SMARCAD1: variants seen among roughly 807,000 people sequenced by gnomAD.
SMARCAD1 encodes SWI/SNF-related matrix-associated actin-dependent regulator of chromatin subfamily A containing DEAD/H box 1.
In SMARCAD1, 25 loss-of-function variants were observed where a neutral mutation model predicts 127.1. That is an observed-to-expected ratio of 0.20 (90% CI 0.14 to 0.27). The LOEUF is 0.27. Ranked by LOEUF, SMARCAD1 falls within the 10% of genes least tolerant of loss-of-function variation. SMARCAD1 has a pLI of 1.00. For missense variants in SMARCAD1, 807 were observed against 1,206.0 expected (o/e 0.67, Z 4.90); for synonymous variants, 400 against 396.9 (o/e 1.01, Z -0.09).
rs62320366 is a variant in SMARCAD1 at position 94,221,484 on chromosome 4, C to T, written c.191-4635C>T. 5.1e-3 allele frequency among the ~76,000 whole-genome samples: 781 copies of T among 152,198 alleles called. 11 individuals are homozygous for T. Among genetic ancestry groups the T allele is most frequent in the South Asian group, 0.034 (162 of 4,806 alleles). On this transcript the variant is annotated intron_variant, in intron 2 of 23. Coordinates refer to ENST00000354268, the MANE Select transcript of SMARCAD1 (RefSeq NM_020159.5). The stretch of plus-strand genomic sequence containing the variant: ...ATAATCTAAAAAGGCTATGAAAGTA[C>T]CCCTCCTTTCTCCAACTACATAACT...
chr4:94,226,998 C>G (rs932549850), intron 3 of SMARCAD1, among the ~76,000 whole-genome samples: 1 of 152,016 alleles, frequency 6.6e-6, no homozygotes, highest in African/African-American at 2.4e-5. Flanking sequence ...GACACCACAC[C>G]TGGCTCGAGG....
Position 94,264,785 on chromosome 4 carries a change from G to A in SMARCAD1, c.1360G>A (p.Val454Ile), listed in dbSNP as rs748810392. The change falls in exon 10 of 24, where the codon GTA becomes ATA. Residue 454 changes from valine to isoleucine, a missense_variant. Val to Ile is a conservative substitution (Grantham distance 29). This residue lies in a region of SMARCAD1 where 257 missense variants were observed against 303.4 expected (regional missense o/e 0.85). Transcript: ENST00000354268. ...TAAAACACTGATCCAAGAAAGAGAT[G>A]TAGTTATAAGGCTTATGAACAAATG... is the stretch of plus-strand genomic sequence containing the variant. ...HCKTLIQERD[V>I]VIRLMNKCED... 5.6e-6 allele frequency: 9 copies of A among 1,612,624 alleles called. No individual in the cohort carries two copies. Among genetic ancestry groups the A allele is most frequent in the Admixed American group, 5.0e-5 (3 of 59,948 alleles).
chr4:94,264,938 T>G, intron 10 of SMARCAD1, 32 bp downstream of exon 10: 1 of 1,559,340 alleles, frequency 6.4e-7, no homozygotes, highest in Non-Finnish European at 8.8e-7. Context: ...TATTCGTATT[T>G]TATCTCAATT....
chr4:94,269,671 T>C (rs1752257319), intron 10 of SMARCAD1, among the ~76,000 whole-genome samples: 1 of 151,946 alleles, frequency 6.6e-6, no homozygotes, highest in Non-Finnish European at 1.5e-5. Flanking sequence ...ATTCTGTTGT[T>C]GTTGTTGTTG....
chr4:94,248,608 C>A (rs142951659), intron 6 of SMARCAD1: 2 of 450,720 alleles, frequency 4.4e-6, no homozygotes, highest in African/African-American at 4.0e-5. Context: ...AAAAGACTAA[C>A]CTTAGGCTTT....
chr4:94,212,374 T>C (rs1400991534), intron 2 of SMARCAD1, among the ~76,000 whole-genome samples: 1 of 151,772 alleles, frequency 6.6e-6, no homozygotes, highest in Non-Finnish European at 1.5e-5. Flanking sequence ...GGCATTTCGC[T>C]ATGTTGACCA....
chr4:94,272,788 C>A (rs1752730154), intron 11 of SMARCAD1, among the ~76,000 whole-genome samples: 1 of 149,810 alleles, frequency 6.7e-6, no homozygotes, highest in Admixed American at 6.7e-5. Context: ...TAGGTTATTT[C>A]TTTTCTTTTC....
intron 3 of SMARCAD1, among the ~76,000 whole-genome samples, chr4:94,231,337 A>T (rs1745816599): frequency 6.6e-6 from 1 of 152,190 alleles, no homozygotes; most frequent in Admixed American, 6.5e-5. Context: ...AGTCTTGTAG[A>T]TGTAGAAAGG....
chr4:94,218,875 G>C (rs893185495), intron 2 of SMARCAD1, among the ~76,000 whole-genome samples: 5 of 151,976 alleles, frequency 3.3e-5, no homozygotes, highest in Non-Finnish European at 7.4e-5. Flanking sequence ...GTGGTGGTGG[G>C]ATCATGGCTC....
intron 6 of SMARCAD1, among the ~76,000 whole-genome samples, chr4:94,241,979 C>T (rs978343176): frequency 6.6e-6 from 1 of 152,138 alleles, no homozygotes; most frequent in African/African-American, 2.4e-5. Context: ...CTTGGCTGAA[C>T]ATTCACACAA....
intron 2 of SMARCAD1, among the ~76,000 whole-genome samples, chr4:94,209,907 G>A: frequency 6.6e-6 from 1 of 152,154 alleles, no homozygotes; most frequent in Admixed American, 6.5e-5. Context: ...GAAAGCCAAG[G>A]TGTAGACATG....
At chr4:94,226,388 C>CT (rs780838480) in intron 3 of SMARCAD1, 92 bp downstream of exon 3, 117,234 of 618,282 alleles carry the variant, frequency 0.19, 365 homozygotes, top group Middle Eastern at 0.23. Flanking sequence ...GGTGACTTCC[C>CT]TTTTTTTTTT....
At chr4:94,281,131 CT>C (rs2125999382) in intron 20 of SMARCAD1, among the ~76,000 whole-genome samples, 1 of 152,230 alleles carries the variant, frequency 6.6e-6, no homozygotes, top group South Asian at 2.1e-4. Flanking sequence ...GTGAAATAGC[CT>C]AAATTTGTAA....
intron 3 of SMARCAD1, among the ~76,000 whole-genome samples, chr4:94,233,169 C>G (rs1295174809): frequency 6.6e-6 from 1 of 152,134 alleles, no homozygotes; most frequent in Non-Finnish European, 1.5e-5. Flanking sequence ...AGTCTGAGTT[C>G]ACTAATGTTA....
At chr4:94,253,593 G>A (rs1749612977) in intron 9 of SMARCAD1, 1 of 1,034,858 alleles carries the variant, frequency 9.7e-7, no homozygotes, top group African/African-American at 1.7e-5. Flanking sequence ...GCAGGCTGCA[G>A]CGTTTTTAAT....
chr4:94,259,676 T>A (rs1230133128), intron 9 of SMARCAD1, among the ~76,000 whole-genome samples: 1 of 152,214 alleles, frequency 6.6e-6, no homozygotes, highest in Non-Finnish European at 1.5e-5. Context: ...CTCCCCCATT[T>A]TGTTATTACA....
chr4:94,279,830 G>C (rs901389426), intron 19 of SMARCAD1, among the ~76,000 whole-genome samples: 3 of 151,342 alleles, frequency 2.0e-5, no homozygotes, highest in African/African-American at 7.3e-5. Flanking sequence ...TATCCTTACT[G>C]ATCTTTGGTT....
intron 5 of SMARCAD1, among the ~76,000 whole-genome samples, chr4:94,239,574 T>C (rs1232797183): frequency 2.0e-5 from 3 of 151,588 alleles, no homozygotes; most frequent in Non-Finnish European, 1.5e-5. Flanking sequence ...TTTTTTTTTT[T>C]TTTAATTTTT....
chr4:94,282,886 T>C (rs1469839164), intron 21 of SMARCAD1, among the ~76,000 whole-genome samples: 1 of 152,102 alleles, frequency 6.6e-6, no homozygotes, highest in African/African-American at 2.4e-5. Context: ...TAGGAATTAA[T>C]TGAATCTGAA....
Sources: allele counts gnomAD v4.1 joint callset (sites outside exome capture counted in the v4.1 genomes callset), GRCh38; gene constraint gnomAD v4.1.1; regional missense constraint gnomAD v4.1.1; transcripts MANE v1.5; gene names NCBI Gene and HGNC (gene_info 2026-07-23, HGNC 2026-07-21).